Variants in FAM227B observed in about 807,000 individuals in gnomAD.
FAM227B encodes protein FAM227B.
FAM227B carries 88 observed loss-of-function variants against 73.8 expected under a neutral mutation model. That is an observed-to-expected ratio of 1.19 (90% CI 1.00 to 1.42). The LOEUF is 1.42. FAM227B is among the 40% of genes most tolerant of loss of function. The probability of loss-of-function intolerance (pLI) is 0.00; values close to 1 mark genes in which losing one functional copy is unlikely to be tolerated. For synonymous variants in FAM227B, 210 were observed against 190.5 expected (o/e 1.10, Z -0.84); for missense variants, 632 against 590.9 (o/e 1.07, Z -0.72).
At chr15:49,481,740 T>C (rs1243060350) in intron 11 of FAM227B, among the ~76,000 whole-genome samples, 1 of 152,220 alleles carries the variant, frequency 6.6e-6, no homozygotes, top group Admixed American at 6.5e-5. Context: ...TAATGCTTAA[T>C]AAATATATAA....
intron 11 of FAM227B, among the ~76,000 whole-genome samples, chr15:49,483,666 A>G (rs1243852617): frequency 1.3e-5 from 2 of 152,060 alleles, no homozygotes; most frequent in African/African-American, 2.4e-5. Flanking sequence ...ATCAACATCA[A>G]TCTCACAATC....
At position 49,466,539 on chromosome 15, in the gene FAM227B, T is replaced by C. The variant is rs542617935; in HGVS notation, c.1012+41672A>G. Among the ~76,000 whole-genome samples, 19 of 152,282 alleles carry C rather than the reference T, an allele frequency of 1.2e-4. 1 individual carries two copies. The South Asian group carries it at 3.7e-3, about 30-fold the overall frequency. On this transcript the variant is annotated intron_variant, in intron 11 of 15. Coordinates refer to ENST00000299338, the MANE Select transcript of FAM227B (RefSeq NM_152647.3). The stretch of plus-strand genomic sequence containing the variant: ...GTTTGCTTTTGTTTTTAATAGAGTA[T>C]ACCACTGAAACTTTTGAAGCAGAAG...
chr15:49,465,718 T>A (rs1268940823), intron 11 of FAM227B, among the ~76,000 whole-genome samples: 1 of 152,220 alleles, frequency 6.6e-6, no homozygotes, highest in Non-Finnish European at 1.5e-5. Flanking sequence ...ATTTTGTGCT[T>A]ATTTAATTAA....
At chr15:49,378,495 G>A (rs377301029) in intron 11 of FAM227B, among the ~76,000 whole-genome samples, 3 of 51,612 alleles carry the variant, frequency 5.8e-5, no homozygotes, top group East Asian at 5.4e-4. Context: ...TTTCATCAGT[G>A]TTTTATAGTT....
chr15:49,328,708 G>T, intron 15 of FAM227B, 33 bp from the exon 16 acceptor site: 1 of 1,547,444 alleles, frequency 6.5e-7, no homozygotes, highest in South Asian at 1.2e-5. Flanking sequence ...AAGTTTCACA[G>T]ATCTTCTTGG....
chr15:49,385,873 C>A (rs1021165016), intron 11 of FAM227B, among the ~76,000 whole-genome samples: 1 of 151,774 alleles, frequency 6.6e-6, no homozygotes, highest in Non-Finnish European at 1.5e-5. Context: ...ACAAAACAGA[C>A]TTCAAAGCAA....
chr15:49,379,609 A>G (rs989946562), intron 11 of FAM227B, among the ~76,000 whole-genome samples: 1 of 152,184 alleles, frequency 6.6e-6, no homozygotes, highest in Non-Finnish European at 1.5e-5. Context: ...TTTCTGTGGT[A>G]TCAGTTGTAT....
chr15:49,591,030 T>G (rs1285646287), intron 3 of FAM227B, among the ~76,000 whole-genome samples: 1 of 86,390 alleles, frequency 1.2e-5, no homozygotes, highest in Non-Finnish European at 2.2e-5. Context: ...CTTTTTTTTG[T>G]TTTTTTTTTT....
chr15:49,518,730 G>T (rs1444721712), intron 10 of FAM227B, among the ~76,000 whole-genome samples: 1 of 152,052 alleles, frequency 6.6e-6, no homozygotes, highest in African/African-American at 2.4e-5. Context: ...CATAACACAT[G>T]GGGATTATGT....
chr15:49,430,201 G>A (rs1176556330), intron 11 of FAM227B, among the ~76,000 whole-genome samples: 1 of 151,856 alleles, frequency 6.6e-6, no homozygotes, highest in African/African-American at 2.4e-5. Context: ...AGACTGCTTT[G>A]GTGAATGAGT....
At chr15:49,402,514 C>G (rs1596937376) in intron 11 of FAM227B, among the ~76,000 whole-genome samples, 1 of 152,090 alleles carries the variant, frequency 6.6e-6, no homozygotes, top group Non-Finnish European at 1.5e-5. Context: ...GCTGTAATTC[C>G]TAGGCATTTT....
intron 9 of FAM227B, among the ~76,000 whole-genome samples, 166 bp from the exon 10 acceptor site, chr15:49,541,972 G>A (rs886875753): frequency 2.0e-5 from 3 of 151,872 alleles, no homozygotes; most frequent in African/African-American, 7.3e-5. Flanking sequence ...ATTAATGTAC[G>A]TCACTATGCC....
chr15:49,381,533 AT>A (rs759934607), intron 11 of FAM227B, among the ~76,000 whole-genome samples: 4 of 152,134 alleles, frequency 2.6e-5, no homozygotes, highest in Non-Finnish European at 5.9e-5. Context: ...TGTAAAAATT[AT>A]TTTTTGTTAT....
At chr15:49,448,524 G>A (rs951521227) in intron 11 of FAM227B, among the ~76,000 whole-genome samples, 11 of 151,364 alleles carry the variant, frequency 7.3e-5, no homozygotes, top group African/African-American at 2.7e-4. Flanking sequence ...CCTAACATAA[G>A]TTAATCAAAA....
At chr15:49,372,816 C>A (rs1294053957) in intron 11 of FAM227B, among the ~76,000 whole-genome samples, 1 of 151,814 alleles carries the variant, frequency 6.6e-6, no homozygotes, top group East Asian at 1.9e-4. Context: ...TGATGACAAA[C>A]CTTTTAAGAG....
chr15:49,541,386 A>G (rs927603286), intron 10 of FAM227B, among the ~76,000 whole-genome samples: 1 of 152,140 alleles, frequency 6.6e-6, no homozygotes, highest in African/African-American at 2.4e-5. Context: ...TAAAACATGT[A>G]TGGTCCAAAT....
At chr15:49,342,254 T>C (rs1045275560) in intron 13 of FAM227B, among the ~76,000 whole-genome samples, 1 of 152,244 alleles carries the variant, frequency 6.6e-6, no homozygotes, top group Non-Finnish European at 1.5e-5. Flanking sequence ...AGTTTCCTGG[T>C]TGAATTGAAC....
chr15:49,367,812 G>T, intron 12 of FAM227B: 2 of 305,120 alleles, frequency 6.6e-6, no homozygotes, highest in Non-Finnish European at 5.8e-6. Context: ...CTACTCTTTT[G>T]AGTTATCATC....
At chr15:49,604,164 G>A (rs962331937) in intron 3 of FAM227B, among the ~76,000 whole-genome samples, 6 of 151,962 alleles carry the variant, frequency 3.9e-5, no homozygotes, top group Non-Finnish European at 8.8e-5. Flanking sequence ...ATATTCTTAC[G>A]TTTATGGTGA....
Sources: allele counts gnomAD v4.1 joint callset (sites outside exome capture counted in the v4.1 genomes callset), GRCh38; gene constraint gnomAD v4.1.1; transcripts MANE v1.5; gene names NCBI Gene and HGNC (gene_info 2026-07-23, HGNC 2026-07-21).